Variants in ARAP3 observed in about 807,000 individuals in gnomAD.
ARAP3 encodes ArfGAP with RhoGAP domain, ankyrin repeat and PH domain 3, also known as arf-GAP with Rho-GAP domain, ANK repeat and PH domain-containing protein 3.
ARAP3 carries 82 observed loss-of-function variants against 169.2 expected under a neutral mutation model. That is an observed-to-expected ratio of 0.48 (90% CI 0.41 to 0.58). The LOEUF (loss-of-function observed/expected upper bound fraction) is 0.58. Among genes scored for constraint, ARAP3 ranks in the 20% least tolerant of loss-of-function variants. The pLI, the probability that ARAP3 is intolerant of heterozygous loss-of-function variation, is 0.00. For missense variants in ARAP3, 1,764 were observed against 2,018.0 expected, an observed-to-expected ratio of 0.87 and a Z score of 2.41; for synonymous variants, 791 against 800.3, an observed-to-expected ratio of 0.99 and a Z score of 0.20.
rs1294250761 is a variant in ARAP3 at position 141,672,854 on chromosome 5, G to A, written c.1165C>T (p.Pro389Ser). 8 of 1,605,904 alleles carry A rather than the reference G, an allele frequency of 5.0e-6. No individual in the cohort carries two copies. The highest frequency in any genetic ancestry group is 1.1e-5 in the South Asian group (1 of 90,352). The stretch of plus-strand genomic sequence containing the variant: ...CGGAGGGGTCGGGGTGGTTGGGGGG[G>A]CCGGGGGTGGCCCAGGAGGCGCTGC... ...KEQRLLGHPR[P>S]PQPPRPLRTG... The change falls in exon 8 of 33, where the codon CCC (proline) becomes TCC (serine). Residue 389 changes from proline to serine, a missense_variant. By Grantham distance (74) the Pro-to-Ser change is moderately conservative. Around this residue, in one of 3 missense-constraint regions of ARAP3, gnomAD observed 630 missense variants for 678.7 expected, o/e 0.93. Coordinates refer to ENST00000239440, the MANE Select transcript of ARAP3 (RefSeq NM_022481.6). The surrounding 1 kb of genome is among the most constrained non-coding windows in gnomAD (Gnocchi z 4.9).
chr5:141,666,548 G>A lies in ARAP3; in HGVS notation c.2448C>T (p.Ala816=). Residue 816 remains alanine, a synonymous_variant, in exon 17 of 33, where the codon GCC becomes GCT. Transcript: ENST00000239440. ...CAAACCCTGACAGCCAGAGACCAGG[G>A]GCCGGGGCTGTATGGGAGGGGGACC... is the stretch of plus-strand genomic sequence containing the variant. ...WLRSPSHTAP[A]PGLWLSGFGL... The A allele has an allele frequency of 6.3e-7, 1 of 1,589,094 alleles. No individual in the cohort carries two copies. The highest frequency in any genetic ancestry group is 8.6e-7 in the Non-Finnish European group (1 of 1,168,814).
intron 19 of ARAP3, 119 bp from the exon 20 acceptor site, chr5:141,662,374 A>T: frequency 3.2e-6 from 3 of 939,294 alleles, no homozygotes; most frequent in Non-Finnish European, 4.9e-6. Context: ...TTCAGAGAGG[A>T]GGAGATCTAT....
At position 141,672,037 on chromosome 5, in the gene ARAP3, G is replaced by C; in HGVS notation, c.1586-57C>G. 1.2e-6 allele frequency: 2 copies of C among 1,613,770 alleles called. No homozygotes were observed. Among genetic ancestry groups the C allele is most frequent in the Non-Finnish European group, 1.7e-6 (2 of 1,179,728 alleles). On this transcript the variant is annotated intron_variant, in intron 10 of 32. Transcript: ENST00000239440. This position sits in a 1 kb window ranked among gnomAD's most constrained non-coding sequence, Gnocchi z 4.9. ...TGAGGGTGTGAGGGGCATGTGGCAC[G>C]GGTACCCTGAGCCCTCTAGTCCCAG...
At chr5:141,670,168 G>T in intron 14 of ARAP3, 105 bp from the exon 15 acceptor site, 1 of 1,429,276 alleles carries the variant, frequency 7.0e-7, no homozygotes, top group South Asian at 1.4e-5. Context: ...GCCCATATAT[G>T]ATCCCATGTA....
Position 141,665,338 on chromosome 5 carries a change from T to C in ARAP3, c.2609A>G (p.Glu870Gly), listed in dbSNP as rs1333821030. The C allele has an allele frequency of 6.2e-7, 1 of 1,614,216 alleles. No individual in the cohort carries two copies. The highest frequency in any genetic ancestry group is 1.3e-5 in the African/African-American group (1 of 75,054). ...VSAADTPDKK[E>G]HLVLVETGRT... ...TCCTGTCTCCACCAGGACCAAATGC[T>C]CTTTCTTATCTGGGGTGTCAGCTGC... The change falls in exon 18 of 33, where the codon GAG becomes GGG. Residue 870 changes from glutamate to glycine, a missense_variant. This residue lies in a region of ARAP3 where 1,112 missense variants were observed against 1,285.7 expected (regional missense o/e 0.86). Coordinates refer to ENST00000239440, the MANE Select transcript of ARAP3 (RefSeq NM_022481.6).
intron 25 of ARAP3, among the ~76,000 whole-genome samples, chr5:141,657,827 CT>C (rs201523403): frequency 1.3e-5 from 2 of 151,086 alleles, no homozygotes; most frequent in Non-Finnish European, 3.0e-5. Flanking sequence ...ATGGCCTAGG[CT>C]TTTTTTTTGA....
intron 16 of ARAP3, 189 bp from the exon 17 acceptor site, chr5:141,666,832 G>C: frequency 2.4e-6 from 1 of 415,254 alleles, no homozygotes. Flanking sequence ...TGAGATGGTT[G>C]GAGAAAGACA....
At chr5:141,676,958 T>C (rs565107381) in intron 4 of ARAP3, among the ~76,000 whole-genome samples, 1 of 152,304 alleles carries the variant, frequency 6.6e-6, no homozygotes, top group African/African-American at 2.4e-5. Flanking sequence ...GCACTCCTAA[T>C]CTACCCTCTC....
Position 141,680,295 on chromosome 5 carries a change from T to C in ARAP3, c.192A>G (p.Thr64=), listed in dbSNP as rs1434500047. The change falls in exon 2 of 33, where the codon ACA becomes ACG. Residue 64 remains threonine (T), a synonymous_variant. Transcript: ENST00000239440. The part of the protein sequence containing the change: ...HRKRILRLLQ[T]GTEEGSLDPK... Reference sequence around the variant, plus strand: ...GATCCAGGGAGCCCTCTTCGGTGCCTGTCTGTAGCAGGCGTAGAATGCGTT... The same window carrying C: ...GATCCAGGGAGCCCTCTTCGGTGCCCGTCTGTAGCAGGCGTAGAATGCGTT... The C allele has an allele frequency of 6.2e-7, 1 of 1,614,216 alleles. No homozygotes were observed. Among genetic ancestry groups the C allele is most frequent in the South Asian group, 1.1e-5 (1 of 91,090 alleles).
In ARAP3 at chr5:141,679,771, T is replaced by G. The variant is rs2099912723; in HGVS notation, c.576A>C (p.Thr192=). 1 of 1,614,060 alleles carries G rather than the reference T, an allele frequency of 6.2e-7. No individual in the cohort carries two copies. ...ISAPTPALRP[T]TGTVHIMDPG... ...TGATAACCCAGTTACCTGTGCCTGT[T>G]GTGGGCCTGAGGGCAGGGGTGGGGG... Residue 192 remains threonine (T), a synonymous_variant, in exon 3 of 33, where the codon ACA becomes ACC. Transcript: ENST00000239440.
At chr5:141,673,879 C>T in intron 4 of ARAP3, 71 bp from the exon 5 acceptor site, 1 of 1,426,038 alleles carries the variant, frequency 7.0e-7, no homozygotes, top group Non-Finnish European at 9.6e-7. Context: ...GTACTTTCTC[C>T]ATCCTACTCA....
In ARAP3 at chr5:141,680,326, T is replaced by A; in HGVS notation, c.161A>T (p.His54Leu). Residue 54 changes from histidine to leucine, a missense_variant, in exon 2 of 33, where the codon CAC becomes CTC. Around this residue, in one of 3 missense-constraint regions of ARAP3, gnomAD observed 630 missense variants for 678.7 expected, o/e 0.93. Transcript: ENST00000239440. Reference sequence around the variant, plus strand: ...TAGCAGGCGTAGAATGCGTTTCCGGTGCCCTGTGGCGCTGATGCCCAACTG... The same window carrying A: ...TAGCAGGCGTAGAATGCGTTTCCGGAGCCCTGTGGCGCTGATGCCCAACTG... Reference protein sequence around the residue: ...LKQLGISATGHRKRILRLLQT... With the variant: ...LKQLGISATGLRKRILRLLQT... 2 of 1,614,224 alleles carry A rather than the reference T, an allele frequency of 1.2e-6. No individual in the cohort carries two copies. The highest frequency in any genetic ancestry group is 1.7e-6 in the Non-Finnish European group (2 of 1,180,032).
chr5:141,665,191 T>C, intron 18 of ARAP3, 106 bp from the exon 19 acceptor site: 3 of 1,559,996 alleles, frequency 1.9e-6, no homozygotes, highest in Non-Finnish European at 2.6e-6. Context: ...CCAACCCAAA[T>C]CATCCTGGAG....
At chr5:141,678,668 A>G (rs2099912539) in intron 4 of ARAP3, among the ~76,000 whole-genome samples, 1 of 151,556 alleles carries the variant, frequency 6.6e-6, no homozygotes, top group Admixed American at 6.6e-5. Flanking sequence ...TTGTATTTTT[A>G]GTAGAGACGG....
Position 141,653,922 on chromosome 5 carries a change from C to A in ARAP3, c.*28G>T. ...TAAGAGTTTCTGGGTCTTCTGGTAC[C>A]TACCCTCTCAGACTGCTGGTCCTAG... On this transcript the variant is annotated 3_prime_UTR_variant, in exon 33 of 33. Transcript: ENST00000239440. 6.6e-7 allele frequency: 1 copy of A among 1,511,208 alleles called. No individual in the cohort carries two copies. The highest frequency in any genetic ancestry group is 8.8e-7 in the Non-Finnish European group (1 of 1,130,994). 93.6% of individuals were successfully genotyped at this position (1,511,208 alleles called of 1,614,324 possible).
At position 141,665,012 on chromosome 5, in the gene ARAP3, C is replaced by T. The variant is rs1471405854; in HGVS notation, c.2710G>A (p.Gly904Arg). Residue 904 changes from glycine (G) to arginine (R), a missense_variant, in exon 19 of 33, where the codon GGG becomes AGG. Physicochemically the swap from Gly to Arg is moderately radical, Grantham distance 125. This residue lies in a region of ARAP3 where 1,112 missense variants were observed against 1,285.7 expected (regional missense o/e 0.86). Coordinates refer to ENST00000239440, the MANE Select transcript of ARAP3 (RefSeq NM_022481.6). The part of the protein sequence containing the change: ...WNAAIGGAAG[G>R]GGTGLQEQQM... ...TGCTCCTGCAGCCCTGTGCCGCCCC[C>T]ACCAGCCGCGCCCCCAATGGCTGCG... is the stretch of plus-strand genomic sequence containing the variant. The T allele has an allele frequency of 1.9e-6, 3 of 1,614,018 alleles. No homozygotes were observed. The highest frequency in any genetic ancestry group is 1.7e-5 in the Admixed American group (1 of 60,010).
At chr5:141,655,235 C>T in intron 32 of ARAP3, 127 bp downstream of exon 32, 1 of 922,980 alleles carries the variant, frequency 1.1e-6, no homozygotes, top group Non-Finnish European at 1.7e-6. Context: ...TACACACACA[C>T]ACACACACAC....
chr5:141,656,237 T>C lies in ARAP3; in HGVS notation c.3829A>G (p.Lys1277Glu). The C allele has an allele frequency of 1.2e-6, 2 of 1,614,056 alleles. No homozygotes were observed. Among genetic ancestry groups the C allele is most frequent in the Non-Finnish European group, 1.7e-6 (2 of 1,180,004 alleles). The change falls in exon 28 of 33, where the codon AAG (lysine) becomes GAG (glutamate). Residue 1277 changes from lysine (K) to glutamate (E), a missense_variant. By Grantham distance (56) the Lys-to-Glu change is moderately conservative. Around this residue, in one of 3 missense-constraint regions of ARAP3, gnomAD observed 1,112 missense variants for 1,285.7 expected, o/e 0.86. Coordinates refer to ENST00000239440, the MANE Select transcript of ARAP3 (RefSeq NM_022481.6). ...PEREWPLEGA[K>E]VYLGIRKKLK... ...TTCTTGCGGATTCCCAGGTAGACCT[T>C]GGCACCTTCCAAAGGCCACTCCCGT...
At chr5:141,667,276 G>C (rs1045001127) in intron 16 of ARAP3, among the ~76,000 whole-genome samples, 14 of 152,154 alleles carry the variant, frequency 9.2e-5, no homozygotes, top group Non-Finnish European at 1.9e-4. Context: ...CCACCCTAGG[G>C]GGCTGGGGAG....
Sources: allele counts gnomAD v4.1 joint callset (sites outside exome capture counted in the v4.1 genomes callset), GRCh38; gene constraint gnomAD v4.1.1; regional missense constraint gnomAD v4.1.1; non-coding constraint Gnocchi (gnomAD v3.1); transcripts MANE v1.5; gene names NCBI Gene and HGNC (gene_info 2026-07-23, HGNC 2026-07-21).